CNTN5: variants seen among roughly 807,000 people sequenced by gnomAD.
CNTN5 encodes the protein contactin 5, also known as contactin-5.
CNTN5 carries 77 observed loss-of-function variants against 129.1 expected under a neutral mutation model. The ratio of observed to expected loss-of-function variants is 0.60; its 90% CI spans 0.50 to 0.72. The LOEUF (loss-of-function observed/expected upper bound fraction) is 0.72. Ranked by LOEUF, CNTN5 falls within the 30% of genes least tolerant of loss-of-function variation. CNTN5 has a pLI of 0.00. For synonymous variants in CNTN5, 509 were observed against 465.6 expected (o/e 1.09, Z -1.20); for missense variants, 1,478 against 1,328.8 (o/e 1.11, Z -1.75).
chr11:99,326,605 G>A (rs902916372), intron 2 of CNTN5, among the ~76,000 whole-genome samples: 1 of 152,104 alleles, frequency 6.6e-6, no homozygotes, highest in Non-Finnish European at 1.5e-5. Context: ...GCAGCTCGTT[G>A]CAGAAAATGT....
intron 13 of CNTN5, among the ~76,000 whole-genome samples, chr11:100,163,125 C>T (rs181464367): frequency 9.2e-4 from 139 of 150,858 alleles, no homozygotes; most frequent in Non-Finnish European, 9.6e-4. Context: ...AATTTCATTT[C>T]GACAAATTAA....
chr11:99,321,200 GCA>G (rs937015707), intron 1 of CNTN5, among the ~76,000 whole-genome samples: 7 of 49,084 alleles, frequency 1.4e-4, no homozygotes, highest in Non-Finnish European at 2.9e-4. Context: ...AATTCCAATT[GCA>G]TACACACACA....
At chr11:99,614,260 A>AT (rs779371291) in intron 3 of CNTN5, among the ~76,000 whole-genome samples, 6 of 152,140 alleles carry the variant, frequency 3.9e-5, no homozygotes, top group Non-Finnish European at 7.4e-5. Context: ...TTCATTGTTT[A>AT]TTTTTGTCAT....
At chr11:99,524,475 G>C (rs10893457) in intron 2 of CNTN5, among the ~76,000 whole-genome samples, 38,280 of 151,790 alleles carry the variant, frequency 0.25, 5,453 homozygotes, top group East Asian at 0.33. Flanking sequence ...AGTGGTATTT[G>C]TACAGCGAAA....
At chr11:99,384,953 A>C (rs1434101841) in intron 2 of CNTN5, among the ~76,000 whole-genome samples, 1 of 152,196 alleles carries the variant, frequency 6.6e-6, no homozygotes, top group East Asian at 1.9e-4. Flanking sequence ...GCCTTTTAAA[A>C]AATACTATTA....
rs576419645 is a variant in CNTN5, at chr11:99,481,112, A to AG, written c.-70-75032dup. On this transcript the variant is annotated intron_variant, in intron 2 of 24. Coordinates refer to ENST00000524871, the MANE Select transcript of CNTN5 (RefSeq NM_014361.4). ...CAGAGGATTGGCATTTAAAAAAAAA[A>AG]GAATATTGCAAGGATTGTTTTAGTT... Among the ~76,000 whole-genome samples, 24 of 152,216 alleles carry AG rather than the reference A, an allele frequency of 1.6e-4. No individual in the cohort carries two copies. In the South Asian group the frequency reaches 4.8e-3, roughly 30 times the overall value.
chr11:99,814,009 G>T (rs1354704094), intron 3 of CNTN5, among the ~76,000 whole-genome samples: 1 of 152,034 alleles, frequency 6.6e-6, no homozygotes, highest in Non-Finnish European at 1.5e-5. Flanking sequence ...TTAGGTGAGA[G>T]AAATGATAAG....
intron 3 of CNTN5, among the ~76,000 whole-genome samples, chr11:99,755,885 T>C (rs915360258): frequency 6.6e-6 from 1 of 152,120 alleles, no homozygotes; most frequent in Non-Finnish European, 1.5e-5. Context: ...GGTATGATTA[T>C]GAATAAAAGC....
At chr11:100,076,275 A>C (rs1944123126) in intron 13 of CNTN5, among the ~76,000 whole-genome samples, 1 of 152,092 alleles carries the variant, frequency 6.6e-6, no homozygotes, top group African/African-American at 2.4e-5. Flanking sequence ...TCTGAAATGC[A>C]TGACTTTGTT....
At chr11:100,242,625 TC>T (rs1949765297) in intron 16 of CNTN5, among the ~76,000 whole-genome samples, 1 of 152,060 alleles carries the variant, frequency 6.6e-6, no homozygotes, top group African/African-American at 2.4e-5. Flanking sequence ...CAACCAGATC[TC>T]AGGAGAACTC....
chr11:100,061,003 C>G (rs916809671), intron 9 of CNTN5, among the ~76,000 whole-genome samples: 1 of 152,146 alleles, frequency 6.6e-6, no homozygotes, highest in Non-Finnish European at 1.5e-5. Flanking sequence ...AATTGCTTTC[C>G]TGAAATATGA....
At chr11:99,171,276 C>T (rs561168740) in intron 1 of CNTN5, among the ~76,000 whole-genome samples, 1 of 152,266 alleles carries the variant, frequency 6.6e-6, no homozygotes, top group East Asian at 1.9e-4. Context: ...AGACCACACA[C>T]AAAATTTGCA....
At chr11:99,221,139 A>C (rs1860377849) in intron 1 of CNTN5, among the ~76,000 whole-genome samples, 1 of 151,934 alleles carries the variant, frequency 6.6e-6, no homozygotes, top group Admixed American at 6.6e-5. Flanking sequence ...TTTCATTATT[A>C]AACTCCCTGT....
At chr11:99,850,753 G>A (rs776257685) in intron 6 of CNTN5, among the ~76,000 whole-genome samples, 2 of 152,008 alleles carry the variant, frequency 1.3e-5, no homozygotes, top group Non-Finnish European at 2.9e-5. Flanking sequence ...TTCCCTGGTG[G>A]TCAGAGCAAA....
rs144637949 is a variant in CNTN5 at position 99,659,210 on chromosome 11, G to C, written c.55+102941G>C. 2.2e-3 allele frequency among the ~76,000 whole-genome samples: 341 copies of C among 152,210 alleles called. 1 individual carries two copies. Among genetic ancestry groups the C allele is most frequent in the African/African-American group, 7.5e-3 (311 of 41,542 alleles). On this transcript the variant is annotated intron_variant, in intron 3 of 24. Coordinates refer to ENST00000524871, the MANE Select transcript of CNTN5 (RefSeq NM_014361.4). ...TAGGTGAGGACCTCTGAGAAGCAGAGAAAGTCAGACTTTCTGAATGAGTAA... is the reference window on the plus strand; with the variant it reads ...TAGGTGAGGACCTCTGAGAAGCAGACAAAGTCAGACTTTCTGAATGAGTAA...
intron 23 of CNTN5, among the ~76,000 whole-genome samples, chr11:100,341,689 A>G (rs1190028334): frequency 6.6e-6 from 1 of 152,242 alleles, no homozygotes; most frequent in Non-Finnish European, 1.5e-5. Flanking sequence ...AACAGAGCCA[A>G]CATTCACATA....
chr11:100,182,313 G>T (rs562899123), intron 13 of CNTN5, among the ~76,000 whole-genome samples: 2 of 152,164 alleles, frequency 1.3e-5, no homozygotes, highest in East Asian at 3.9e-4. Context: ...TGCTAAGATG[G>T]TTAGTTTCTA....
rs570203172 is a variant in CNTN5, at chr11:99,474,359, C to T, written c.-70-81786C>T. 7.2e-5 allele frequency among the ~76,000 whole-genome samples: 11 copies of T among 152,158 alleles called. No individual in the cohort carries two copies. In the East Asian group the frequency reaches 1.2e-3, roughly 16 times the overall value. On this transcript the variant is annotated intron_variant, in intron 2 of 24. Transcript: ENST00000524871. ...CTTCCCCACTGATTTGAAATCCTAA[C>T]TTTACATTTTAAAGTCTCTTTCATA...
intron 3 of CNTN5, among the ~76,000 whole-genome samples, chr11:99,680,743 T>C (rs1217442571): frequency 1.3e-5 from 2 of 152,012 alleles, no homozygotes; most frequent in African/African-American, 4.8e-5. Flanking sequence ...CCAGGAATAT[T>C]AGAAGAATCA....
Sources: gnomAD v4.1 joint callset for allele counts (sites outside exome capture counted in the v4.1 genomes callset) on GRCh38, gnomAD v4.1.1 for gene constraint, MANE v1.5 for transcripts, NCBI Gene and HGNC (gene_info 2026-07-23, HGNC 2026-07-21) for gene names.